CCDC68: variants seen among roughly 807,000 people sequenced by gnomAD.
CCDC68 encodes the protein coiled-coil domain-containing protein 68.
CCDC68 carries 45 observed loss-of-function variants against 47.1 expected under a neutral mutation model. The ratio of observed to expected loss-of-function variants is 0.96; its 90% CI spans 0.75 to 1.23. CCDC68 has a LOEUF of 1.23. Ranked by LOEUF, CCDC68 falls within the 50% of genes most tolerant of loss-of-function variation. The pLI is 0.00. For missense variants in CCDC68, 353 were observed against 373.6 expected, an observed-to-expected ratio of 0.94 and a Z score of 0.45; for synonymous variants, 131 against 129.5, an observed-to-expected ratio of 1.01 and a Z score of -0.08.
intron 1 of CCDC68, among the ~76,000 whole-genome samples, chr18:54,953,233 A>C (rs1246278052): frequency 6.6e-6 from 1 of 152,190 alleles, no homozygotes; most frequent in Non-Finnish European, 1.5e-5. Flanking sequence ...AGGACTTTGG[A>C]GTGGGGGAAT....
chr18:54,954,634 A>G (rs1270377176), intron 1 of CCDC68: 2 of 152,196 alleles, frequency 1.3e-5, no homozygotes, highest in Non-Finnish European at 2.9e-5. Context: ...CTCTGCCCTG[A>G]TCCTGATCCC....
intron 1 of CCDC68, among the ~76,000 whole-genome samples, chr18:54,953,789 T>G (rs182142580): frequency 1.0e-3 from 158 of 152,278 alleles, no homozygotes; most frequent in African/African-American, 3.7e-3. Flanking sequence ...TATAAGAATA[T>G]TTCCAACAAG....
At chr18:54,909,599 C>T (rs985142989) in intron 10 of CCDC68, among the ~76,000 whole-genome samples, 2 of 152,174 alleles carry the variant, frequency 1.3e-5, no homozygotes, top group Non-Finnish European at 2.9e-5. Context: ...CTGTCAAGGG[C>T]GAGTCAGGTG....
chr18:54,952,955 A>G (rs372289683), intron 1 of CCDC68, among the ~76,000 whole-genome samples: 158 of 152,200 alleles, frequency 1.0e-3, no homozygotes, highest in African/African-American at 3.7e-3. Context: ...AGAGGTTGCA[A>G]TGAGCTGAAA....
At chr18:54,947,113 A>G (rs1348074385) in intron 1 of CCDC68, among the ~76,000 whole-genome samples, 1 of 152,218 alleles carries the variant, frequency 6.6e-6, no homozygotes, top group Admixed American at 6.5e-5. Flanking sequence ...TGGCATTACT[A>G]TCCTGGGGAA....
chr18:54,919,378 T>G lies in CCDC68; in HGVS notation c.684-2A>C, dbSNP rs773312359. On this transcript the variant is annotated splice_acceptor_variant, in intron 8 of 11. Transcript: ENST00000591504. LOFTEE classifies it high-confidence loss of function. ...ATCTCCCTCTGAAGATCCTGGCAAC[T>G]GGGAATGCAAAGGGAAAAAGACCAA... is the stretch of plus-strand genomic sequence containing the variant. 6.2e-7 allele frequency: 1 copy of G among 1,607,816 alleles called. No homozygotes were observed. The highest frequency in any genetic ancestry group is 1.7e-4 in the Middle Eastern group (1 of 6,032).
intron 2 of CCDC68, 104 bp from the exon 3 acceptor site, chr18:54,942,907 A>G: frequency 1.5e-6 from 1 of 687,862 alleles, no homozygotes; most frequent in Non-Finnish European, 2.6e-6. Context: ...AGTCAAATAT[A>G]GCAGAAAAGC....
intron 8 of CCDC68, among the ~76,000 whole-genome samples, chr18:54,920,264 G>GTTTTTTT (rs2044034825): frequency 7.1e-6 from 1 of 140,456 alleles, no homozygotes; most frequent in African/African-American, 2.6e-5. Flanking sequence ...GTTGTTGTTG[G>GTTTTTTT]TTTGTTTTTT....
At chr18:54,924,508 C>G (rs1318681857) in intron 8 of CCDC68, among the ~76,000 whole-genome samples, 1 of 152,174 alleles carries the variant, frequency 6.6e-6, no homozygotes, top group African/African-American at 2.4e-5. Flanking sequence ...CTGCCCTACC[C>G]TTTTGAAGGA....
At chr18:54,939,765 C>T (rs2145572535) in intron 4 of CCDC68, among the ~76,000 whole-genome samples, 1 of 152,296 alleles carries the variant, frequency 6.6e-6, no homozygotes, top group Middle Eastern at 3.4e-3. Context: ...CATTTGCCTT[C>T]AGTGACTCCT....
At chr18:54,909,656 T>C (rs1351113850) in intron 10 of CCDC68, among the ~76,000 whole-genome samples, 1 of 152,204 alleles carries the variant, frequency 6.6e-6, no homozygotes, top group East Asian at 1.9e-4. Context: ...GTCCGGCCAC[T>C]GTGTATAGTC....
intron 1 of CCDC68, among the ~76,000 whole-genome samples, chr18:54,955,229 G>T (rs1434138849): frequency 6.6e-6 from 1 of 152,166 alleles, no homozygotes; most frequent in African/African-American, 2.4e-5. Context: ...GCTGAGTGAG[G>T]CAGGAGGATC....
chr18:54,901,861 T>G lies in CCDC68; in HGVS notation c.*2497A>C, dbSNP rs900499625. 2.6e-5 allele frequency: 4 copies of G among 151,834 alleles called. No homozygotes were observed. The highest frequency in any genetic ancestry group is 9.7e-5 in the African/African-American group (4 of 41,350). 9.4% of individuals were successfully genotyped at this position (151,834 alleles called of 1,614,324 possible). On this transcript the variant is annotated 3_prime_UTR_variant, in exon 12 of 12. Transcript: ENST00000591504. ...TTAGCTGAATAAATATTATTCCCCC[T>G]TGTAATCTTGTTTTTTCACTGAGAA... is the stretch of plus-strand genomic sequence containing the variant.
chr18:54,930,114 A>G (rs1568146941), intron 7 of CCDC68, among the ~76,000 whole-genome samples: 2 of 152,206 alleles, frequency 1.3e-5, no homozygotes, highest in Non-Finnish European at 2.9e-5. Context: ...AAGAATATTA[A>G]CCATTTTTTA....
At chr18:54,937,049 G>A (rs1008981863) in intron 5 of CCDC68, 91 bp from the exon 6 acceptor site, 2 of 1,210,948 alleles carry the variant, frequency 1.7e-6, no homozygotes, top group Non-Finnish European at 2.4e-6. Flanking sequence ...AACACCAAAG[G>A]TATAACTATA....
intron 1 of CCDC68, among the ~76,000 whole-genome samples, chr18:54,949,576 C>CAGAGGTAT: frequency 6.6e-6 from 1 of 152,330 alleles, no homozygotes; most frequent in Non-Finnish European, 1.5e-5. Context: ...ATTGACCGCA[C>CAGAGGTAT]AGAGGTATTC....
At chr18:54,939,674 T>C (rs2044404860) in intron 4 of CCDC68, among the ~76,000 whole-genome samples, 1 of 152,144 alleles carries the variant, frequency 6.6e-6, no homozygotes, top group Admixed American at 6.6e-5. Flanking sequence ...CTATCTATGG[T>C]GGGCATTCAG....
intron 8 of CCDC68, among the ~76,000 whole-genome samples, chr18:54,926,079 C>T (rs1435146892): frequency 2.0e-5 from 3 of 152,186 alleles, no homozygotes; most frequent in Non-Finnish European, 4.4e-5. Context: ...CATGCAACCT[C>T]AGCTTCAAGG....
chr18:54,918,414 A>C (rs1364466875), intron 9 of CCDC68, among the ~76,000 whole-genome samples: 1 of 152,226 alleles, frequency 6.6e-6, no homozygotes, highest in Non-Finnish European at 1.5e-5. Flanking sequence ...TAATAAGGTG[A>C]GCCTGCTTTG....
Sources: gnomAD v4.1 joint callset for allele counts (sites outside exome capture counted in the v4.1 genomes callset) on GRCh38, gnomAD v4.1.1 for gene constraint, MANE v1.5 for transcripts, NCBI Gene and HGNC (gene_info 2026-07-23, HGNC 2026-07-21) for gene names.